The following MTHFD1L variants were observed in gnomAD, a reference collection of about 807,000 sequenced individuals.
MTHFD1L encodes monofunctional C1-tetrahydrofolate synthase, mitochondrial.
Under a neutral mutation model 119.5 loss-of-function variants are expected in MTHFD1L, and 81 were observed. The ratio of observed to expected loss-of-function variants is 0.68; its 90% CI spans 0.57 to 0.82. The LOEUF is 0.82. MTHFD1L is among the 40% of genes least tolerant of loss of function. The pLI, the probability that MTHFD1L is intolerant of heterozygous loss-of-function variation, is 0.00. For missense variants in MTHFD1L, 1,125 were observed against 1,253.4 expected, an observed-to-expected ratio of 0.90 and a Z score of 1.55; for synonymous variants, 430 against 475.2, an observed-to-expected ratio of 0.90 and a Z score of 1.24.
intron 1 of MTHFD1L, chr6:150,866,757 G>C: frequency 1.0e-6 from 1 of 978,618 alleles, no homozygotes; most frequent in Non-Finnish European, 1.2e-6. Context: ...GGTTTTCTGC[G>C]GGCCCAGAGC....
At chr6:150,871,875 AATTTT>A (rs1562287322) in intron 1 of MTHFD1L, among the ~76,000 whole-genome samples, 6 of 148,128 alleles carry the variant, frequency 4.1e-5, no homozygotes, top group African/African-American at 1.2e-4. Context: ...ATTTTAATTT[AATTTT>A]ATTTTATTTT....
rs1402277240 is a variant in MTHFD1L, at chr6:150,866,064, T to G, written c.227+15T>G. On this transcript the variant is annotated intron_variant, in intron 1 of 27. Transcript: ENST00000367321. ...TCCATCGTCAGGTGAGTGTCGGGTC[T>G]GGCCCTGGCCCAGGTCTCCAGCGGC... The G allele has an allele frequency of 6.8e-7, 1 of 1,478,136 alleles. No homozygotes were observed. Among genetic ancestry groups the G allele is most frequent in the Non-Finnish European group, 8.9e-7 (1 of 1,121,968 alleles). The allele number at this position is 1,478,136 out of a possible 1,614,324, so 91.6% of individuals were successfully genotyped here.
intron 4 of MTHFD1L, among the ~76,000 whole-genome samples, chr6:150,881,474 T>C (rs1018717388): frequency 2.6e-5 from 4 of 152,016 alleles, no homozygotes; most frequent in Non-Finnish European, 5.9e-5. Flanking sequence ...TGAAAAAGAG[T>C]AGGTACCTTA....
intron 25 of MTHFD1L, among the ~76,000 whole-genome samples, chr6:151,034,930 G>A (rs6938930): frequency 0.032 from 4,938 of 152,270 alleles, 124 homozygotes; most frequent in African/African-American, 0.071. Context: ...GAGTAGAGCT[G>A]CGGAGTCAGA....
chr6:150,940,026 T>C (rs1389134544), intron 13 of MTHFD1L, among the ~76,000 whole-genome samples: 2 of 152,132 alleles, frequency 1.3e-5, no homozygotes, highest in Admixed American at 1.3e-4. Context: ...TCCAGGATTT[T>C]CCCATGCCTG....
chr6:150,911,140 T>C (rs1477015314), intron 8 of MTHFD1L, among the ~76,000 whole-genome samples: 1 of 152,210 alleles, frequency 6.6e-6, no homozygotes, highest in Non-Finnish European at 1.5e-5. Flanking sequence ...CAATACAATG[T>C]ATTTAATATT....
chr6:151,089,887 C>T (rs1412508383), intron 26 of MTHFD1L, among the ~76,000 whole-genome samples: 1 of 152,148 alleles, frequency 6.6e-6, no homozygotes, highest in African/African-American at 2.4e-5. Flanking sequence ...ATCTTCATAC[C>T]TAAAGTTTTA....
intron 26 of MTHFD1L, among the ~76,000 whole-genome samples, chr6:151,071,837 A>ATTTTTTTTTTTTT (rs753092094): frequency 9.3e-6 from 1 of 107,508 alleles, no homozygotes; most frequent in African/African-American, 3.6e-5. Context: ...GTAAGTACAG[A>ATTTTTTTTTTTTT]TTTTTTTTTT....
intron 13 of MTHFD1L, among the ~76,000 whole-genome samples, chr6:150,941,700 C>T (rs969274756): frequency 2.6e-5 from 4 of 152,102 alleles, no homozygotes; most frequent in Non-Finnish European, 4.4e-5. Context: ...TCAGTAGACT[C>T]ATTTGTTGAG....
chr6:150,871,585 T>C (rs977023841), intron 1 of MTHFD1L, among the ~76,000 whole-genome samples: 4 of 134,814 alleles, frequency 3.0e-5, no homozygotes, highest in Non-Finnish European at 6.2e-5. Context: ...CGCTGGAACC[T>C]CCGCCTCTCA....
intron 20 of MTHFD1L, among the ~76,000 whole-genome samples, chr6:151,007,956 A>G (rs1333162380): frequency 6.6e-6 from 1 of 152,240 alleles, no homozygotes; most frequent in African/African-American, 2.4e-5. Flanking sequence ...AGCTATATTT[A>G]TCCAAATTGA....
rs566000740 is a variant in MTHFD1L at position 151,057,358 on chromosome 6, C to T, written c.2847+20241C>T. ...CAGACTGCTTTAAGGCCTGAGAGAC[C>T]GGCCAGGTACTGTGGCTCACGTCTG... On this transcript the variant is annotated intron_variant, in intron 26 of 27. Coordinates refer to ENST00000367321, the MANE Select transcript of MTHFD1L (RefSeq NM_015440.5). The T allele has an allele frequency of 2.7e-5, 27 of 985,060 alleles. No individual in the cohort carries two copies. In the East Asian group the frequency reaches 5.7e-4, roughly 21 times the overall value. 61.0% of individuals were successfully genotyped at this position (985,060 alleles called of 1,614,324 possible).
intron 27 of MTHFD1L, among the ~76,000 whole-genome samples, chr6:151,098,094 A>C (rs975247755): frequency 2.0e-5 from 3 of 152,108 alleles, no homozygotes; most frequent in Non-Finnish European, 4.4e-5. Context: ...AAATCTCTTG[A>C]ACCCAGGAGG....
intron 16 of MTHFD1L, among the ~76,000 whole-genome samples, chr6:150,953,474 A>G (rs952588453): frequency 6.6e-6 from 1 of 152,204 alleles, no homozygotes; most frequent in Non-Finnish European, 1.5e-5. Context: ...GACTAGGCAC[A>G]AGTAGCCCCT....
chr6:150,892,535 G>A (rs893585750), intron 7 of MTHFD1L, among the ~76,000 whole-genome samples: 1 of 152,120 alleles, frequency 6.6e-6, no homozygotes, highest in South Asian at 2.1e-4. Flanking sequence ...CATTGCGAAT[G>A]TTAGAGGCTA....
intron 24 of MTHFD1L, 55 bp downstream of exon 24, chr6:151,015,748 C>T (rs1388232602): frequency 6.3e-7 from 1 of 1,575,500 alleles, no homozygotes; most frequent in Non-Finnish European, 8.6e-7. Flanking sequence ...CATGGGTTGT[C>T]CCATTCTGTT....
intron 21 of MTHFD1L, among the ~76,000 whole-genome samples, chr6:151,012,762 T>C (rs1244896946): frequency 1.3e-5 from 2 of 152,128 alleles, no homozygotes; most frequent in Admixed American, 6.5e-5. Context: ...TTGGGTCACA[T>C]GATTACAGAA....
chr6:150,899,256 G>A (rs1465743363), intron 7 of MTHFD1L, among the ~76,000 whole-genome samples: 2 of 152,178 alleles, frequency 1.3e-5, no homozygotes, highest in Admixed American at 6.5e-5. Context: ...ATTCCCAGAT[G>A]TCCATTTGGC....
At chr6:150,937,008 T>C (rs1583657000) in intron 12 of MTHFD1L, 68 bp downstream of exon 12, 1 of 1,561,784 alleles carries the variant, frequency 6.4e-7, no homozygotes, top group Non-Finnish European at 8.8e-7. Context: ...AAAAAGAACA[T>C]TGTCAACAGA....
Sources: allele counts gnomAD v4.1 joint callset (sites outside exome capture counted in the v4.1 genomes callset), GRCh38; gene constraint gnomAD v4.1.1; transcripts MANE v1.5; gene names NCBI Gene and HGNC (gene_info 2026-07-23, HGNC 2026-07-21).